Variants in RNF13 observed in about 807,000 individuals in gnomAD.
RNF13 encodes ring finger protein 13.
A neutral mutation model predicts 37.7 loss-of-function variants in RNF13; 19 were observed. The observed-to-expected ratio is 0.50, with a 90% CI of 0.35 to 0.74. RNF13 has a LOEUF of 0.74. Ranked by LOEUF, RNF13 falls within the 30% of genes least tolerant of loss-of-function variation. RNF13 has a pLI of 0.01. For missense variants in RNF13, 375 were observed against 453.0 expected (o/e 0.83, Z 1.56); for synonymous variants, 144 against 157.8 (o/e 0.91, Z 0.65).
intron 6 of RNF13, among the ~76,000 whole-genome samples, chr3:149,903,658 C>G (rs1056163629): frequency 8.5e-5 from 13 of 152,192 alleles, no homozygotes; most frequent in African/African-American, 3.1e-4. Flanking sequence ...CTTATCCCAC[C>G]TCTTGGCTAC....
chr3:149,880,825 G>A (rs1412107005), intron 4 of RNF13, among the ~76,000 whole-genome samples: 2 of 152,000 alleles, frequency 1.3e-5, no homozygotes, highest in African/African-American at 4.8e-5. Context: ...ATGTTGAAAG[G>A]CATCAATCTT....
chr3:149,815,651 A>G (rs1331011020), intron 1 of RNF13, among the ~76,000 whole-genome samples: 2 of 152,230 alleles, frequency 1.3e-5, no homozygotes, highest in African/African-American at 4.8e-5. Context: ...TATTCTATAG[A>G]TATTTATTGA....
chr3:149,889,116 T>C (rs1288879571), intron 4 of RNF13, among the ~76,000 whole-genome samples: 1 of 151,332 alleles, frequency 6.6e-6, no homozygotes, highest in Non-Finnish European at 1.5e-5. Flanking sequence ...TTTTTGTACT[T>C]TTAGTAGAGA....
At chr3:149,941,722 T>A (rs484647) in intron 8 of RNF13, among the ~76,000 whole-genome samples, 1 of 151,744 alleles carries the variant, frequency 6.6e-6, no homozygotes, top group African/African-American at 2.4e-5. Context: ...TTTCTTTTGT[T>A]GCCTGTGCTT....
intron 5 of RNF13, among the ~76,000 whole-genome samples, chr3:149,900,386 A>G (rs1715696068): frequency 6.6e-6 from 1 of 151,214 alleles, no homozygotes; most frequent in South Asian, 2.1e-4. Flanking sequence ...TCCCAAATAT[A>G]AAAAAAAATA....
Position 149,898,638 on chromosome 3 carries a change from G to T in RNF13, c.409+3078G>T, listed in dbSNP as rs9871576. On this transcript the variant is annotated intron_variant, in intron 5 of 9. Coordinates refer to ENST00000392894, the MANE Select transcript of RNF13 (RefSeq NM_183381.3). ...ATGAAGATTGAATGAATTAAGGCCT[G>T]TTAAGTGTCTAGAGGACTTCCTGGT... 8.7e-3 allele frequency among the ~76,000 whole-genome samples: 1,328 copies of T among 152,240 alleles called. 10 individuals are homozygous for T. The highest frequency in any genetic ancestry group is 0.014 in the Non-Finnish European group (963 of 68,016).
At chr3:149,852,043 G>C (rs960621761) in intron 2 of RNF13, among the ~76,000 whole-genome samples, 7 of 152,116 alleles carry the variant, frequency 4.6e-5, no homozygotes, top group African/African-American at 1.7e-4. Context: ...AAAATGTTCA[G>C]CTTATACAAA....
chr3:149,817,287 A>G (rs758576354), intron 1 of RNF13: 18 of 152,100 alleles, frequency 1.2e-4, no homozygotes, highest in Non-Finnish European at 2.5e-4. Context: ...TTTTCCCTTT[A>G]GTGTATTTTG....
At chr3:149,906,645 CT>C (rs35801459) in intron 6 of RNF13, among the ~76,000 whole-genome samples, 4,305 of 79,206 alleles carry the variant, frequency 0.054, 103 homozygotes, top group African/African-American at 0.12. Context: ...TTCAATTCTG[CT>C]TTTTTTTTTT....
chr3:149,958,383 A>T (rs1722065038), intron 8 of RNF13, among the ~76,000 whole-genome samples: 1 of 152,160 alleles, frequency 6.6e-6, no homozygotes, highest in African/African-American at 2.4e-5. Context: ...CTTCAAAGCC[A>T]GTAGTTGCAT....
intron 1 of RNF13, among the ~76,000 whole-genome samples, chr3:149,820,366 A>C (rs868773667): frequency 6.6e-6 from 1 of 152,018 alleles, no homozygotes; most frequent in Admixed American, 6.6e-5. Flanking sequence ...CTCTGTTTCT[A>C]ATGATAGAAA....
At chr3:149,850,875 C>G (rs1218847193) in intron 2 of RNF13, among the ~76,000 whole-genome samples, 3 of 152,124 alleles carry the variant, frequency 2.0e-5, no homozygotes, top group Non-Finnish European at 4.4e-5. Flanking sequence ...GGTTTAAAAG[C>G]ATTTTGTAAC....
At chr3:149,817,150 A>T (rs1719544955) in intron 1 of RNF13, 1 of 152,330 alleles carries the variant, frequency 6.6e-6, no homozygotes, top group East Asian at 1.9e-4. Context: ...GAAGAGAACA[A>T]ATGCTTACAT....
At chr3:149,860,709 A>C (rs1724173367) in intron 3 of RNF13, among the ~76,000 whole-genome samples, 1 of 152,208 alleles carries the variant, frequency 6.6e-6, no homozygotes, top group Non-Finnish European at 1.5e-5. Context: ...AACTAGGCAA[A>C]GATTTTACAG....
chr3:149,835,727 G>C (rs184587741), intron 1 of RNF13, among the ~76,000 whole-genome samples: 2 of 151,664 alleles, frequency 1.3e-5, no homozygotes, highest in East Asian at 3.9e-4. Context: ...TGATTGATGG[G>C]CATTTGGGCT....
intron 3 of RNF13, among the ~76,000 whole-genome samples, chr3:149,861,133 A>C (rs1476591211): frequency 6.6e-6 from 1 of 152,194 alleles, no homozygotes; most frequent in Middle Eastern, 3.4e-3. Flanking sequence ...AAGGATTCAG[A>C]GAAGAGGGAA....
intron 1 of RNF13, 195 bp from the exon 2 acceptor site, chr3:149,845,816 C>G (rs188520366): frequency 2.8e-5 from 13 of 463,578 alleles, no homozygotes; most frequent in Admixed American, 1.9e-4. Context: ...TAGGTATTGA[C>G]TAAACATGGG....
intron 8 of RNF13, among the ~76,000 whole-genome samples, chr3:149,942,371 C>A (rs1371896137): frequency 6.6e-6 from 1 of 152,052 alleles, no homozygotes; most frequent in Non-Finnish European, 1.5e-5. Context: ...TCTTTGATTT[C>A]TTGTGGCAGT....
intron 1 of RNF13, among the ~76,000 whole-genome samples, chr3:149,832,198 C>T (rs1006074947): frequency 2.0e-5 from 3 of 152,010 alleles, no homozygotes; most frequent in Admixed American, 6.6e-5. Flanking sequence ...ATATTTTGGT[C>T]CAGTTCTTGA....
Sources: allele counts gnomAD v4.1 joint callset (sites outside exome capture counted in the v4.1 genomes callset), GRCh38; gene constraint gnomAD v4.1.1; transcripts MANE v1.5; gene names NCBI Gene and HGNC (gene_info 2026-07-23, HGNC 2026-07-21).